DSE: variants seen among roughly 807,000 people sequenced by gnomAD.
DSE encodes the protein dermatan-sulfate epimerase.
Under a neutral mutation model 84.4 loss-of-function variants are expected in DSE, and 36 were observed. The ratio of observed to expected loss-of-function variants is 0.43; its 90% CI spans 0.33 to 0.56. DSE has a LOEUF of 0.56. Ranked by LOEUF, DSE falls within the 20% of genes least tolerant of loss-of-function variation. The pLI is 0.06. For synonymous variants in DSE, 410 were observed against 430.1 expected, an observed-to-expected ratio of 0.95 and a Z score of 0.58; for missense variants, 862 against 1,169.6, an observed-to-expected ratio of 0.74 and a Z score of 3.84.
chr6:116,392,824 T>C (rs909836888), intron 1 of DSE, among the ~76,000 whole-genome samples: 7 of 152,148 alleles, frequency 4.6e-5, no homozygotes, highest in African/African-American at 1.7e-4. Context: ...TATTTCCCAA[T>C]CTGCTTGACG....
chr6:116,301,820 G>A (rs4946153), intron 2 of DSE, among the ~76,000 whole-genome samples: 36,646 of 152,088 alleles, frequency 0.24, 5,550 homozygotes, highest in East Asian at 0.64. Flanking sequence ...GGTGTGTGAT[G>A]TTCCCCTCCC....
intron 1 of DSE, chr6:116,255,686 T>C (rs1372417202): frequency 6.6e-6 from 1 of 152,254 alleles, no homozygotes; most frequent in African/African-American, 2.4e-5. Flanking sequence ...GACTTTGAAT[T>C]ATTGACACTG....
At chr6:116,278,880 G>A (rs751218403) in intron 2 of DSE, 1 of 1,614,138 alleles carries the variant, frequency 6.2e-7, no homozygotes, top group Non-Finnish European at 8.5e-7. Context: ...ACTTGCAACC[G>A]GTTCTAGGGT....
At chr6:116,320,433 A>G (rs1210698520) in intron 2 of DSE, among the ~76,000 whole-genome samples, 1 of 151,692 alleles carries the variant, frequency 6.6e-6, no homozygotes, top group East Asian at 1.9e-4. Flanking sequence ...CTTATTAGAT[A>G]CTAGATAAGT....
intron 1 of DSE, among the ~76,000 whole-genome samples, chr6:116,395,902 G>A (rs1241333894): frequency 6.6e-6 from 1 of 152,104 alleles, no homozygotes; most frequent in Non-Finnish European, 1.5e-5. Context: ...CCTCTTTTAG[G>A]TTATCAGCCT....
At chr6:116,255,875 T>C (rs1772121348) in intron 1 of DSE, 2 of 152,300 alleles carry the variant, frequency 1.3e-5, no homozygotes, top group East Asian at 3.9e-4. Context: ...CATGTGAACT[T>C]CTTTTTCTTT....
At chr6:116,354,257 A>T (rs1778466170) in intron 2 of DSE, among the ~76,000 whole-genome samples, 1 of 152,174 alleles carries the variant, frequency 6.6e-6, no homozygotes, top group Admixed American at 6.5e-5. Flanking sequence ...GGATAACAGT[A>T]AGTAATATTT....
At chr6:116,331,741 G>C (rs573170094) in intron 2 of DSE, among the ~76,000 whole-genome samples, 2 of 152,112 alleles carry the variant, frequency 1.3e-5, no homozygotes, top group Non-Finnish European at 2.9e-5. Context: ...AGCAGATCAC[G>C]AAGTCAGGGA....
intron 2 of DSE, chr6:116,278,894 T>C (rs1773300427): frequency 6.2e-7 from 1 of 1,614,200 alleles, no homozygotes; most frequent in East Asian, 2.2e-5. Context: ...CTAGGGTGTC[T>C]GAGTTCCTTC....
chr6:116,394,206 C>T (rs1410023388), intron 1 of DSE, among the ~76,000 whole-genome samples: 3 of 152,092 alleles, frequency 2.0e-5, no homozygotes, highest in Non-Finnish European at 2.9e-5. Context: ...ATCACAGAAA[C>T]GAAGTTTTTC....
At chr6:116,403,708 TG>T (rs1313166787) in intron 2 of DSE, among the ~76,000 whole-genome samples, 16 of 152,252 alleles carry the variant, frequency 1.1e-4, no homozygotes, top group African/African-American at 3.9e-4. Flanking sequence ...TAGTCAATAT[TG>T]AAGTTTACAG....
chr6:116,328,075 C>T (rs7750102), intron 2 of DSE, among the ~76,000 whole-genome samples: 148,940 of 152,302 alleles, frequency 0.98, 72,922 homozygotes, highest in East Asian at 1. Context: ...GGAACATTAG[C>T]CCATCAACAG....
intron 2 of DSE, among the ~76,000 whole-genome samples, chr6:116,283,020 G>A (rs1202736734): frequency 1.3e-5 from 2 of 152,060 alleles, no homozygotes; most frequent in African/African-American, 4.8e-5. Context: ...TCACCTTTTT[G>A]TATCTAAAAA....
chr6:116,332,081 C>G (rs975442110), intron 2 of DSE, among the ~76,000 whole-genome samples: 1 of 152,150 alleles, frequency 6.6e-6, no homozygotes, highest in Non-Finnish European at 1.5e-5. Flanking sequence ...CCTTGTTAAA[C>G]TCAATTCTAA....
intron 2 of DSE, among the ~76,000 whole-genome samples, chr6:116,316,526 G>T (rs1775985791): frequency 1.3e-5 from 2 of 151,942 alleles, no homozygotes; most frequent in African/African-American, 4.8e-5. Context: ...GACCTTGGGA[G>T]CTAGTTCCAG....
At chr6:116,339,501 G>A (rs1777464221) in intron 2 of DSE, among the ~76,000 whole-genome samples, 2 of 152,148 alleles carry the variant, frequency 1.3e-5, no homozygotes, top group South Asian at 2.1e-4. Context: ...TTGTTTTAAT[G>A]TGAAAAGATC....
intron 2 of DSE, chr6:116,279,929 C>T (rs1773409988): frequency 2.6e-6 from 4 of 1,550,778 alleles, no homozygotes; most frequent in South Asian, 1.1e-5. Context: ...TACAGTCTCA[C>T]TAACATTTCA....
intron 2 of DSE, among the ~76,000 whole-genome samples, chr6:116,331,420 C>T (rs1415229473): frequency 1.3e-5 from 2 of 152,124 alleles, no homozygotes; most frequent in South Asian, 2.1e-4. Flanking sequence ...GGAAAAGCCC[C>T]TTATAAAACC....
intron 2 of DSE, among the ~76,000 whole-genome samples, chr6:116,306,547 A>G (rs766151172): frequency 4.6e-5 from 7 of 152,114 alleles, no homozygotes; most frequent in Non-Finnish European, 8.8e-5. Flanking sequence ...TGTTTGCTCT[A>G]TAAGGTAAGC....
Sources: allele counts gnomAD v4.1 joint callset (sites outside exome capture counted in the v4.1 genomes callset), GRCh38; gene constraint gnomAD v4.1.1; transcripts MANE v1.5; gene names NCBI Gene and HGNC (gene_info 2026-07-23, HGNC 2026-07-21).